CRIM1: variants seen among roughly 807,000 people sequenced by gnomAD.
CRIM1 encodes cysteine rich transmembrane BMP regulator 1.
Under a neutral mutation model 116.4 loss-of-function variants are expected in CRIM1, and 32 were observed. The observed-to-expected ratio is 0.27, with a 90% CI of 0.21 to 0.37. The LOEUF is 0.37. Among genes scored for constraint, CRIM1 ranks in the 10% least tolerant of loss-of-function variants. The pLI, the probability that CRIM1 is intolerant of heterozygous loss-of-function variation, is 1.00. For missense variants in CRIM1, 1,331 were observed against 1,354.8 expected (o/e 0.98, Z 0.28); for synonymous variants, 590 against 509.2 (o/e 1.16, Z -2.13).
chr2:36,440,580 T>A (rs998661413), intron 2 of CRIM1, among the ~76,000 whole-genome samples: 1 of 152,154 alleles, frequency 6.6e-6, no homozygotes, highest in African/African-American at 2.4e-5. Flanking sequence ...TCTCTAAAAT[T>A]GAGATACAGC....
chr2:36,508,056 T>C (rs1359955609), intron 8 of CRIM1, among the ~76,000 whole-genome samples: 1 of 152,244 alleles, frequency 6.6e-6, no homozygotes. Flanking sequence ...TAAAGTCTTC[T>C]TTTTTCACCA....
chr2:36,507,773 GT>G (rs1473612860), intron 8 of CRIM1, among the ~76,000 whole-genome samples: 1 of 152,214 alleles, frequency 6.6e-6, no homozygotes, highest in Non-Finnish European at 1.5e-5. Flanking sequence ...AGACACAACA[GT>G]TTTCTTTAAA....
At chr2:36,451,756 T>G (rs1676742267) in intron 4 of CRIM1, among the ~76,000 whole-genome samples, 1 of 152,164 alleles carries the variant, frequency 6.6e-6, no homozygotes, top group Non-Finnish European at 1.5e-5. Context: ...TCAGAGGCTG[T>G]CAACACAGTG....
At position 36,547,087 on chromosome 2, in the gene CRIM1, C is replaced by A; in HGVS notation, c.2850C>A (p.Cys950Ter). The change falls in exon 16 of 17, where the codon TGC (cysteine) becomes TGA (stop). Residue 950 changes from cysteine (C) to a stop codon, truncating the protein, a stop_gained. Coordinates refer to ENST00000280527, the MANE Select transcript of CRIM1 (RefSeq NM_016441.3). LOFTEE classifies it high-confidence loss of function. ...CAGTTGTGGTTCCCATAATTATATG[C>A]CTCTCTATTATAATAGCATTCCTAT... ...IASVVVPIII[C>*]LSIIIAFLFI... is the part of the protein sequence containing the mutation. 6.2e-7 allele frequency: 1 copy of A among 1,610,856 alleles called. No homozygotes were observed. The highest frequency in any genetic ancestry group is 8.5e-7 in the Non-Finnish European group (1 of 1,177,250).
intron 4 of CRIM1, among the ~76,000 whole-genome samples, chr2:36,444,068 C>T (rs1676063441): frequency 6.6e-6 from 1 of 152,168 alleles, no homozygotes; most frequent in African/African-American, 2.4e-5. Context: ...AACAGATGTC[C>T]CTTCAGGGTC....
At chr2:36,544,762 A>G (rs969569390) in intron 15 of CRIM1, among the ~76,000 whole-genome samples, 4 of 152,206 alleles carry the variant, frequency 2.6e-5, no homozygotes, top group African/African-American at 9.7e-5. Flanking sequence ...ATGGAAATAA[A>G]TATGTTCCTA....
At chr2:36,459,528 G>A (rs562634235) in intron 4 of CRIM1, among the ~76,000 whole-genome samples, 10 of 152,276 alleles carry the variant, frequency 6.6e-5, no homozygotes, top group African/African-American at 1.9e-4. Context: ...ATTCACAGGA[G>A]AAACAGTCTG....
At chr2:36,384,236 C>T (rs569938436) in intron 1 of CRIM1, among the ~76,000 whole-genome samples, 1 of 152,326 alleles carries the variant, frequency 6.6e-6, no homozygotes, top group South Asian at 2.1e-4. Context: ...ACACAAGTGC[C>T]AAAGCCTTGA....
intron 2 of CRIM1, among the ~76,000 whole-genome samples, chr2:36,421,502 A>C (rs893967066): frequency 7.9e-5 from 12 of 152,220 alleles, no homozygotes; most frequent in Non-Finnish European, 1.6e-4. Context: ...TTACTTTTCC[A>C]CTTTCAGTAA....
rs1679244686 is a variant in CRIM1, at chr2:36,479,550, C to G, written c.1228C>G (p.Leu410Val). The change falls in exon 7 of 17, where the codon CTT becomes GTT. Residue 410 changes from leucine (L) to valine (V), a missense_variant. Leu to Val is a conservative substitution (Grantham distance 32, BLOSUM62 1). Around this residue, in one of 3 missense-constraint regions of CRIM1, gnomAD observed 690 missense variants for 676.0 expected, o/e 1.02. Transcript: ENST00000280527. The part of the protein sequence containing the change: ...PAGCYANGLI[L>V]AHGDRWREDD... ...TGGCTGCTATGCCAATGGCCTGATC[C>G]TTGCCCACGGAGACCGGTGGCGGGA... 1.9e-6 allele frequency: 3 copies of G among 1,614,110 alleles called. No individual in the cohort carries two copies. The highest frequency in any genetic ancestry group is 2.7e-5 in the African/African-American group (2 of 74,930).
intron 2 of CRIM1, among the ~76,000 whole-genome samples, chr2:36,402,734 T>C (rs1329644523): frequency 8.8e-6 from 1 of 112,996 alleles, no homozygotes; most frequent in Non-Finnish European, 1.9e-5. Flanking sequence ...GCATTCGAGA[T>C]ACCATTGGAA....
chr2:36,373,642 A>G (rs1670097054), intron 1 of CRIM1, among the ~76,000 whole-genome samples: 1 of 152,206 alleles, frequency 6.6e-6, no homozygotes, highest in African/African-American at 2.4e-5. Flanking sequence ...GACCAGCAGA[A>G]TGGCCGTGGG....
At chr2:36,370,874 A>C (rs1247175274) in intron 1 of CRIM1, among the ~76,000 whole-genome samples, 1 of 152,190 alleles carries the variant, frequency 6.6e-6, no homozygotes, top group Non-Finnish European at 1.5e-5. Context: ...TTCCCATAGG[A>C]CCTTAGCAGT....
At chr2:36,499,377 C>A (rs1038285944) in intron 8 of CRIM1, 30 bp downstream of exon 8, 2 of 1,607,582 alleles carry the variant, frequency 1.2e-6, no homozygotes, top group Non-Finnish European at 1.7e-6. Context: ...TATGTTTTTT[C>A]TGAGGCCTAA....
intron 1 of CRIM1, among the ~76,000 whole-genome samples, chr2:36,361,388 G>C (rs1033345479): frequency 1.3e-5 from 2 of 152,152 alleles, no homozygotes; most frequent in African/African-American, 2.4e-5. Flanking sequence ...GAGGTATTTG[G>C]TGACTTGGTA....
intron 2 of CRIM1, among the ~76,000 whole-genome samples, chr2:36,420,036 T>G (rs889464682): frequency 6.6e-6 from 1 of 152,214 alleles, no homozygotes; most frequent in South Asian, 2.1e-4. Flanking sequence ...CTGTTTCCTC[T>G]TATTGTTTTC....
chr2:36,513,366 C>G, intron 10 of CRIM1, 190 bp from the exon 11 acceptor site: 1 of 559,352 alleles, frequency 1.8e-6, no homozygotes, highest in Non-Finnish European at 3.2e-6. Flanking sequence ...CGGTTTTTTT[C>G]TCTCTTTTCT....
chr2:36,420,177 C>T (rs1343413735), intron 2 of CRIM1, among the ~76,000 whole-genome samples: 1 of 152,160 alleles, frequency 6.6e-6, no homozygotes, highest in African/African-American at 2.4e-5. Flanking sequence ...TGCCCTCCAG[C>T]AACCTATGTT....
chr2:36,515,308 TAC>T (rs1394422981), intron 11 of CRIM1, among the ~76,000 whole-genome samples: 3 of 152,356 alleles, frequency 2.0e-5, no homozygotes, highest in African/African-American at 7.2e-5. Context: ...CTTTCTCTAT[TAC>T]AGAGTCATGG....
Sources: allele counts gnomAD v4.1 joint callset (sites outside exome capture counted in the v4.1 genomes callset), GRCh38; gene constraint gnomAD v4.1.1; regional missense constraint gnomAD v4.1.1; transcripts MANE v1.5; gene names NCBI Gene and HGNC (gene_info 2026-07-23, HGNC 2026-07-21).